The following ZNF536 variants were observed in gnomAD, a reference collection of about 807,000 sequenced individuals.
The protein encoded by ZNF536 is zinc finger protein 536.
A neutral mutation model predicts 84.5 loss-of-function variants in ZNF536; 13 were observed. That is an observed-to-expected ratio of 0.15 (90% CI 0.10 to 0.24). The LOEUF (loss-of-function observed/expected upper bound fraction) is 0.24, where lower values mean the gene tolerates loss of function less well. Ranked by LOEUF, ZNF536 falls within the 10% of genes least tolerant of loss-of-function variation. The pLI is 1.00. For missense variants in ZNF536, 1,536 were observed against 1,747.5 expected (o/e 0.88, Z 2.16); for synonymous variants, 811 against 742.5 (o/e 1.09, Z -1.50).
chr19:30,435,923 G>A (rs1165213091), intron 1 of ZNF536, among the ~76,000 whole-genome samples: 1 of 152,154 alleles, frequency 6.6e-6, no homozygotes, highest in Admixed American at 6.5e-5. Context: ...CTTTGCCTTT[G>A]AGAATTTTTT....
intron 4 of ZNF536, chr19:30,555,335 T>C (rs893479102): frequency 6.6e-6 from 1 of 152,200 alleles, no homozygotes; most frequent in Admixed American, 6.5e-5. Context: ...ATGATGTCAG[T>C]GTGCAAACAT....
At chr19:30,509,430 T>C (rs753184032) in intron 2 of ZNF536, among the ~76,000 whole-genome samples, 175 of 148,222 alleles carry the variant, frequency 1.2e-3, no homozygotes, top group Non-Finnish European at 2.1e-3. Flanking sequence ...TTATAATATA[T>C]AATGTATGCA....
chr19:30,252,461 T>C (rs1194393990), intron 1 of ZNF536, among the ~76,000 whole-genome samples: 1 of 152,160 alleles, frequency 6.6e-6, no homozygotes, highest in Non-Finnish European at 1.5e-5. Flanking sequence ...TACCCTGGGA[T>C]GAGGCAGGAG....
At chr19:30,524,878 A>C (rs979348643) in intron 2 of ZNF536, among the ~76,000 whole-genome samples, 5 of 152,048 alleles carry the variant, frequency 3.3e-5, no homozygotes, top group Admixed American at 6.6e-5. Context: ...TAAAGAAAGG[A>C]GTACTTAATT....
At chr19:30,238,056 C>T (rs1376048286) in intron 1 of ZNF536, among the ~76,000 whole-genome samples, 3 of 152,162 alleles carry the variant, frequency 2.0e-5, no homozygotes, top group Non-Finnish European at 4.4e-5. Flanking sequence ...ATTCTTTCTC[C>T]CTCATAAGGT....
chr19:30,545,875 C>T (rs899774970), intron 3 of ZNF536, among the ~76,000 whole-genome samples: 4 of 152,212 alleles, frequency 2.6e-5, no homozygotes, highest in African/African-American at 9.7e-5. Flanking sequence ...GCCCCTTTGC[C>T]TGCCAGATGC....
intron 2 of ZNF536, among the ~76,000 whole-genome samples, chr19:30,529,370 C>T (rs1021874498): frequency 2.6e-5 from 4 of 152,244 alleles, no homozygotes; most frequent in Admixed American, 2.0e-4. Context: ...TTCTAAGTAT[C>T]GGGGCTTTAA....
chr19:30,581,792 C>T (rs551703104), intron 1 of ZNF536, among the ~76,000 whole-genome samples: 13 of 151,842 alleles, frequency 8.6e-5, no homozygotes, highest in Non-Finnish European at 1.6e-4. Context: ...TAAAATTAGC[C>T]GGGCATGGTG....
intron 1 of ZNF536, among the ~76,000 whole-genome samples, chr19:30,595,113 T>C (rs1322868170): frequency 6.6e-6 from 1 of 152,048 alleles, no homozygotes; most frequent in African/African-American, 2.4e-5. Flanking sequence ...ACAATGAAGT[T>C]GGGCCAGCCA....
At chr19:30,388,345 T>G (rs769049403) in intron 1 of ZNF536, among the ~76,000 whole-genome samples, 1 of 152,204 alleles carries the variant, frequency 6.6e-6, no homozygotes, top group Non-Finnish European at 1.5e-5. Context: ...TCTACAATTA[T>G]GGATACTCGG....
intron 3 of ZNF536, among the ~76,000 whole-genome samples, chr19:30,545,263 C>T (rs912381647): frequency 2.6e-5 from 4 of 152,070 alleles, no homozygotes; most frequent in Admixed American, 6.5e-5. Context: ...CCAACTTCTG[C>T]GCCGACCCCA....
chr19:30,482,044 T>C (rs938154262), intron 2 of ZNF536, among the ~76,000 whole-genome samples: 3 of 152,252 alleles, frequency 2.0e-5, no homozygotes, highest in Non-Finnish European at 4.4e-5. Flanking sequence ...TGTACCACAT[T>C]ACCTTTATAC....
At chr19:30,290,043 C>T (rs562335271) in intron 2 of ZNF536, among the ~76,000 whole-genome samples, 2 of 152,158 alleles carry the variant, frequency 1.3e-5, no homozygotes, top group Admixed American at 1.3e-4. Context: ...CTACCCATTC[C>T]AGGTCGTGGC....
intron 2 of ZNF536, among the ~76,000 whole-genome samples, chr19:30,507,359 A>C (rs941204434): frequency 4.6e-5 from 7 of 152,278 alleles, no homozygotes; most frequent in Admixed American, 1.3e-4. Flanking sequence ...TCAAAAAAAA[A>C]CCAAAAAACA....
At chr19:30,250,683 T>C (rs757350452) in intron 1 of ZNF536, among the ~76,000 whole-genome samples, 1 of 152,088 alleles carries the variant, frequency 6.6e-6, no homozygotes, top group Non-Finnish European at 1.5e-5. Flanking sequence ...AGACACAGGG[T>C]CTGGGAAGAC....
At position 30,587,210 on chromosome 19, in the gene ZNF536, T is replaced by C. The variant is rs1200671526; in HGVS notation, c.169+37696T>C. ...GATTTTTCTTTTTATTTTTTTAACT[T>C]TTGAGTGTGCATGCAATTTCACTGA... On this transcript the variant is annotated intron_variant, in intron 1 of 1. Transcript: ENST00000592773. Among the ~76,000 whole-genome samples, 5 of 152,314 alleles carry C rather than the reference T, an allele frequency of 3.3e-5. No homozygotes were observed. In the East Asian group the frequency reaches 9.6e-4, roughly 29 times the overall value.
At chr19:30,663,774 A>C (rs996926911) in intron 1 of ZNF536, among the ~76,000 whole-genome samples, 1 of 152,230 alleles carries the variant, frequency 6.6e-6, no homozygotes, top group Admixed American at 6.5e-5. Context: ...GTATGCTTGC[A>C]GACACTATAA....
intron 1 of ZNF536, among the ~76,000 whole-genome samples, chr19:30,689,654 T>C (rs2051330790): frequency 6.6e-6 from 1 of 152,170 alleles, no homozygotes; most frequent in Non-Finnish European, 1.5e-5. Flanking sequence ...CTTGTCATGT[T>C]TGGAGTGACC....
chr19:30,484,226 ATTTTTT>A (rs554903479), intron 2 of ZNF536, among the ~76,000 whole-genome samples: 15 of 122,030 alleles, frequency 1.2e-4, no homozygotes, highest in Non-Finnish European at 2.2e-4. Flanking sequence ...TCTCATTTTG[ATTTTTT>A]TTTTTTTTTT....
Sources: allele counts gnomAD v4.1 joint callset (sites outside exome capture counted in the v4.1 genomes callset), GRCh38; gene constraint gnomAD v4.1.1; transcripts MANE v1.5; gene names NCBI Gene and HGNC (gene_info 2026-07-23, HGNC 2026-07-21).